BLACAT1: variants seen among roughly 807,000 people sequenced by gnomAD.
BLACAT1 encodes the protein bladder cancer associated transcript 1.
At chr1:205,455,975 TTC>T (rs969805100) in exon 1 of BLACAT1, 7 of 152,050 alleles carry the variant, frequency 4.6e-5, no homozygotes, top group South Asian at 2.1e-4. Context: ...CTCTCTCTCT[TTC>T]TCTCTCTCTC....
downstream of BLACAT1, chr1:205,436,708 G>A (rs1448551872): frequency 6.6e-6 from 1 of 152,206 alleles, no homozygotes; most frequent in Non-Finnish European, 1.5e-5. Flanking sequence ...GGTACTGTCA[G>A]CTTGATCACC....
At chr1:205,442,506 C>T (rs369842716) in intron 1 of BLACAT1, among the ~76,000 whole-genome samples, 3 of 152,216 alleles carry the variant, frequency 2.0e-5, no homozygotes, top group East Asian at 3.8e-4. Flanking sequence ...AAGGCCCACA[C>T]CAAGCACAGT....
chr1:205,452,973 G>A (rs190303747), intron 1 of BLACAT1, among the ~76,000 whole-genome samples: 5 of 152,292 alleles, frequency 3.3e-5, no homozygotes, highest in Admixed American at 3.3e-4. Flanking sequence ...CTTGGTGTGT[G>A]CTTGGAGCTC....
At chr1:205,437,481 G>T (rs1006238878), downstream of BLACAT1, 1 of 152,326 alleles carries the variant, frequency 6.6e-6, no homozygotes, top group Admixed American at 6.5e-5. Flanking sequence ...ACTGCAAGGA[G>T]TCCTGGGCCC....
exon 2 of BLACAT1, chr1:205,440,747 G>A (rs764377845): frequency 1.3e-5 from 2 of 152,658 alleles, no homozygotes; most frequent in Non-Finnish European, 2.9e-5. Context: ...GTGGGCATGA[G>A]GAGGATGAGA....
At chr1:205,451,112 G>A (rs1666492043) in intron 1 of BLACAT1, among the ~76,000 whole-genome samples, 1 of 152,104 alleles carries the variant, frequency 6.6e-6, no homozygotes, top group African/African-American at 2.4e-5. Context: ...CACCTCACAG[G>A]GCCACTGGAA....
chr1:205,453,309 C>T (rs181626999), intron 1 of BLACAT1, among the ~76,000 whole-genome samples: 129 of 152,266 alleles, frequency 8.5e-4, no homozygotes, highest in African/African-American at 2.9e-3. Context: ...GTGCTTGCTA[C>T]GGAGAAAGGC....
At chr1:205,435,767 G>A (rs1666194885), downstream of BLACAT1, 1 of 152,204 alleles carries the variant, frequency 6.6e-6, no homozygotes, top group Non-Finnish European at 1.5e-5. Flanking sequence ...CTCTCAGGGA[G>A]ACCATGCAGA....
exon 1 of BLACAT1, chr1:205,455,975 TTCTC>T (rs969805100): frequency 1.3e-5 from 2 of 151,934 alleles, no homozygotes; most frequent in African/African-American, 4.8e-5. Flanking sequence ...CTCTCTCTCT[TTCTC>T]TCTCTCTCCC....
chr1:205,444,651 AG>A (rs1243917201), intron 1 of BLACAT1, among the ~76,000 whole-genome samples: 1 of 152,152 alleles, frequency 6.6e-6, no homozygotes, highest in Non-Finnish European at 1.5e-5. Flanking sequence ...AGAGAAATCC[AG>A]GGCCCCAGGC....
chr1:205,449,503 T>C (rs877623), intron 1 of BLACAT1, among the ~76,000 whole-genome samples: 57,905 of 152,042 alleles, frequency 0.38, 11,275 homozygotes, highest in Non-Finnish European at 0.43. Flanking sequence ...CAACACTTGC[T>C]GGCTCCCTGC....
At position 205,441,568 on chromosome 1, in the gene BLACAT1, C is replaced by T. The variant is rs960517135; in HGVS notation, c.-36-506G>A. Among the ~76,000 whole-genome samples the T allele has an allele frequency of 2.6e-5, 4 of 152,226 alleles. No individual in the cohort carries two copies. Among genetic ancestry groups the T allele is most frequent in the African/African-American group, 7.2e-5 (3 of 41,542 alleles). On this transcript the variant is annotated intron_variant, in intron 1 of 1. Transcript: ENST00000629624. This position sits in a 1 kb window ranked among gnomAD's most constrained non-coding sequence, Gnocchi z 4.3. ...GTAGCTTTACTTTGACACCTGGGAC[C>T]GAGTCAGATTCCTCCCTTCCTTAAC... is the stretch of plus-strand genomic sequence containing the variant.
chr1:205,448,877 G>A lies in BLACAT1; in HGVS notation c.-37+7040C>T, dbSNP rs1465282712. Among the ~76,000 whole-genome samples the A allele has an allele frequency of 6.6e-6, 1 of 152,144 alleles. No homozygotes were observed. Among genetic ancestry groups the A allele is most frequent in the Non-Finnish European group, 1.5e-5 (1 of 68,014 alleles). On this transcript the variant is annotated intron_variant, in intron 1 of 1. Transcript: ENST00000629624. The surrounding 1 kb of genome is among the most constrained non-coding windows in gnomAD (Gnocchi z 4.7). ...AGGGCAAAGGAGGGTCTGGGTAAAG[G>A]AGGGCAGCGATGAGGACCTACCCTT...
chr1:205,455,243 G>A (rs941991320), intron 1 of BLACAT1, among the ~76,000 whole-genome samples: 1 of 152,160 alleles, frequency 6.6e-6, no homozygotes, highest in Non-Finnish European at 1.5e-5. Flanking sequence ...CAGGCTTATG[G>A]CCAAGAGGTC....
In BLACAT1 at chr1:205,450,389, T is replaced by C. The variant is rs568888619; in HGVS notation, c.-37+5528A>G. On this transcript the variant is annotated intron_variant, in intron 1 of 1. Coordinates refer to ENST00000629624, the Ensembl canonical transcript of BLACAT1. The surrounding 1 kb of genome is among the most constrained non-coding windows in gnomAD (Gnocchi z 4.4). ...CTGCCGCTCCCCTCCAGCTTTTTTATAGTTTAATTTTTGGCAGGAGACCTG... is the reference window on the plus strand; with the variant it reads ...CTGCCGCTCCCCTCCAGCTTTTTTACAGTTTAATTTTTGGCAGGAGACCTG... Among the ~76,000 whole-genome samples, 19 of 151,176 alleles carry C rather than the reference T, an allele frequency of 1.3e-4. No homozygotes were observed. In the South Asian group the frequency reaches 3.6e-3, roughly 28 times the overall value.
chr1:205,453,138 A>G (rs1666518129), intron 1 of BLACAT1, among the ~76,000 whole-genome samples: 1 of 152,180 alleles, frequency 6.6e-6, no homozygotes, highest in African/African-American at 2.4e-5. Context: ...TGATTCTGCT[A>G]TCTGCCCCAA....
downstream of BLACAT1, chr1:205,437,181 G>C (rs1256533347): frequency 2.0e-5 from 3 of 152,530 alleles, no homozygotes; most frequent in South Asian, 4.1e-4. Flanking sequence ...AGGTGGGGTG[G>C]TTTGATCAGC....
Position 205,450,565 on chromosome 1 carries a change from C to T in BLACAT1, c.-37+5352G>A, listed in dbSNP as rs1191314010. ...CAGCACTTATCTGTCCTTCCATTTC[C>T]TTTCTCAGACCTGCTCGAGCCTGGC... On this transcript the variant is annotated intron_variant, in intron 1 of 1. Transcript: ENST00000629624. The surrounding 1 kb of genome is among the most constrained non-coding windows in gnomAD (Gnocchi z 4.4). 6.6e-6 allele frequency among the ~76,000 whole-genome samples: 1 copy of T among 152,008 alleles called. No individual in the cohort carries two copies. The highest frequency in any genetic ancestry group is 6.6e-5 in the Admixed American group (1 of 15,266).
intron 1 of BLACAT1, among the ~76,000 whole-genome samples, chr1:205,455,549 G>A (rs941902115): frequency 7.2e-5 from 11 of 152,194 alleles, no homozygotes; most frequent in African/African-American, 2.7e-4. Context: ...AAACGGAGGA[G>A]GCACTCCAAG....
Sources: gnomAD v4.1 joint callset for allele counts (sites outside exome capture counted in the v4.1 genomes callset) on GRCh38, gnomAD v4.1.1 for gene constraint, Gnocchi (gnomAD v3.1) non-coding constraint, MANE v1.5 for transcripts, NCBI Gene and HGNC (gene_info 2026-07-23, HGNC 2026-07-21) for gene names.